SLC36A1: variants seen among roughly 807,000 people sequenced by gnomAD.
SLC36A1 encodes the protein solute carrier family 36 member 1.
A neutral mutation model predicts 47.5 loss-of-function variants in SLC36A1; 30 were observed. The observed-to-expected ratio is 0.63, with a 90% CI of 0.47 to 0.86. The LOEUF is 0.86. Among genes scored for constraint, SLC36A1 ranks in the 40% least tolerant of loss-of-function variants. The pLI is 0.00. For missense variants in SLC36A1, 517 were observed against 606.0 expected (o/e 0.85, Z 1.54); for synonymous variants, 255 against 249.7 (o/e 1.02, Z -0.20).
At chr5:151,347,429 T>A in the SLC36A1 span, 3 of 1,614,188 alleles carry the variant, frequency 1.9e-6, no homozygotes, top group South Asian at 3.3e-5. Context: ...AACGGCTCCC[T>A]GGGGACCCTC....
At chr5:151,531,705 G>A in the SLC36A1 span, 1 of 1,613,860 alleles carries the variant, frequency 6.2e-7, no homozygotes, top group East Asian at 2.2e-5. The surrounding 1 kb of genome is among the most constrained non-coding windows in gnomAD (Gnocchi z 5.7). Flanking sequence ...TGCCAGGTGG[G>A]GCGTCCTCGG....
At chr5:151,440,668 G>A (rs1449593844) in intron 1 of SLC36A1, among the ~76,000 whole-genome samples, 2 of 152,078 alleles carry the variant, frequency 1.3e-5, no homozygotes, top group Non-Finnish European at 2.9e-5. Flanking sequence ...AACCCCTCAT[G>A]TTATATATAG....
chr5:151,534,690 C>T, the SLC36A1 span: 1 of 1,523,780 alleles, frequency 6.6e-7, no homozygotes, highest in East Asian at 2.3e-5. Context: ...GGAAATATTA[C>T]CCAAGCATGT....
the SLC36A1 span, among the ~76,000 whole-genome samples, chr5:151,376,825 G>T: frequency 2.0e-4 from 30 of 152,014 alleles, no homozygotes; most frequent in Non-Finnish European, 3.8e-4. Flanking sequence ...TAAAGATGGG[G>T]TTTCATCATA....
At chr5:151,392,623 A>G in the SLC36A1 span, among the ~76,000 whole-genome samples, 4 of 152,204 alleles carry the variant, frequency 2.6e-5, no homozygotes, top group African/African-American at 9.7e-5. Context: ...ATTGGTTTCA[A>G]AGAACATGTT....
At chr5:151,545,579 A>G in the SLC36A1 span, 1 of 1,614,100 alleles carries the variant, frequency 6.2e-7, no homozygotes, top group Non-Finnish European at 8.5e-7. Flanking sequence ...GGTGCAAATA[A>G]TACAGGGCTT....
At chr5:151,545,301 C>T in the SLC36A1 span, 2 of 1,614,058 alleles carry the variant, frequency 1.2e-6, no homozygotes, top group Non-Finnish European at 8.5e-7. Flanking sequence ...CATCAGAAGC[C>T]CTGATGGTGA....
chr5:151,524,725 C>A, the SLC36A1 span, among the ~76,000 whole-genome samples: 1 of 152,194 alleles, frequency 6.6e-6, no homozygotes, highest in Non-Finnish European at 1.5e-5. Flanking sequence ...CTCATTCCCA[C>A]CCCTGCTCAT....
At chr5:151,534,265 A>G in the SLC36A1 span, 1 of 590,546 alleles carries the variant, frequency 1.7e-6, no homozygotes. Flanking sequence ...TTTGAGGATA[A>G]ATACTTTTTA....
At chr5:151,358,912 T>C in the SLC36A1 span, among the ~76,000 whole-genome samples, 1 of 141,090 alleles carries the variant, frequency 7.1e-6, no homozygotes, top group African/African-American at 2.8e-5. Context: ...AAGCGGAGCT[T>C]GCAGTGAGCC....
chr5:151,552,317 C>T, the SLC36A1 span, among the ~76,000 whole-genome samples: 1 of 151,962 alleles, frequency 6.6e-6, no homozygotes, highest in Non-Finnish European at 1.5e-5. Context: ...TTAGAGGGTA[C>T]ATGCATTAAT....
At chr5:151,549,312 T>C in the SLC36A1 span, 5 of 1,613,124 alleles carry the variant, frequency 3.1e-6, no homozygotes, top group Non-Finnish European at 3.4e-6. Context: ...GAGGGAGTAG[T>C]GGACCTCAGC....
chr5:151,501,744 G>C, the SLC36A1 span, among the ~76,000 whole-genome samples: 1 of 148,360 alleles, frequency 6.7e-6, no homozygotes, highest in South Asian at 2.1e-4. Context: ...CTTTGACAAA[G>C]GAGCAAAGGC....
At chr5:151,345,781 CA>C in the SLC36A1 span, among the ~76,000 whole-genome samples, 2 of 152,168 alleles carry the variant, frequency 1.3e-5, no homozygotes, top group Non-Finnish European at 2.9e-5. Context: ...TGCAAAGCAC[CA>C]AACTGGGAGT....
chr5:151,409,660 C>T, the SLC36A1 span, among the ~76,000 whole-genome samples: 1 of 152,202 alleles, frequency 6.6e-6, no homozygotes, highest in Non-Finnish European at 1.5e-5. Flanking sequence ...CCTCCTGACT[C>T]AGAATCTGCA....
the SLC36A1 span, among the ~76,000 whole-genome samples, chr5:151,429,760 C>T: frequency 3.3e-5 from 5 of 152,158 alleles, no homozygotes; most frequent in African/African-American, 1.2e-4. Flanking sequence ...TTTAGCTCAA[C>T]ATTCTCTTCC....
the SLC36A1 span, among the ~76,000 whole-genome samples, chr5:151,529,001 C>G: frequency 6.6e-6 from 1 of 152,070 alleles, no homozygotes. Flanking sequence ...GATAGTTTGG[C>G]CGAGCATTGT....
chr5:151,414,215 C>T, the SLC36A1 span, among the ~76,000 whole-genome samples: 6 of 144,572 alleles, frequency 4.2e-5, no homozygotes, highest in Admixed American at 1.3e-4. Flanking sequence ...ACTCAGGGAA[C>T]GATACCCAGA....
At chr5:151,423,185 C>T in the SLC36A1 span, among the ~76,000 whole-genome samples, 2 of 152,126 alleles carry the variant, frequency 1.3e-5, no homozygotes, top group South Asian at 2.1e-4. Flanking sequence ...GTTGCTGGTT[C>T]GGGAATGCAA....
Sources: gnomAD v4.1 joint callset for allele counts (sites outside exome capture counted in the v4.1 genomes callset) on GRCh38, gnomAD v4.1.1 for gene constraint, Gnocchi (gnomAD v3.1) non-coding constraint, MANE v1.5 for transcripts, NCBI Gene and HGNC (gene_info 2026-07-23, HGNC 2026-07-21) for gene names.